TP53I13: variants seen among roughly 807,000 people sequenced by gnomAD.
TP53I13 encodes the protein tumor protein p53 inducible protein 13.
In TP53I13, 27 loss-of-function variants were observed where a neutral mutation model predicts 39.1. The observed-to-expected ratio is 0.69, with a 90% confidence interval of 0.51 to 0.95. The LOEUF is 0.95. Ranked by LOEUF, TP53I13 falls within the 40% of genes least tolerant of loss-of-function variation. The pLI, the probability that TP53I13 is intolerant of heterozygous loss-of-function variation, is 0.00. For synonymous variants in TP53I13, 230 were observed against 224.6 expected (o/e 1.02, Z -0.22); for missense variants, 544 against 520.4 (o/e 1.05, Z -0.44).
At position 29,572,748 on chromosome 17, in the gene TP53I13, C is replaced by A. The variant is rs1263013780; in HGVS notation, c.1069+51C>A. The A allele has an allele frequency of 4.8e-6, 7 of 1,450,142 alleles. No individual in the cohort carries two copies. The East Asian group carries it at 1.7e-4, about 36-fold the overall frequency. The allele number at this position is 1,450,142 out of a possible 1,614,324, so 89.8% of individuals were successfully genotyped here. A position where few individuals can be genotyped will look rare whatever the true frequency, so the allele number is the denominator to read the frequency against. On this transcript the variant is annotated intron_variant, in intron 6 of 6. Coordinates refer to ENST00000301057, the MANE Select transcript of TP53I13 (RefSeq NM_138349.4). The stretch of plus-strand genomic sequence containing the variant: ...CCGAGGCCCCCGCCCCACCTCGCGT[C>A]GCCCGCCGCCCCCCGTAGCTTCCCT...
chr17:29,574,954 G>T, downstream of TP53I13: 1 of 1,520,256 alleles, frequency 6.6e-7, no homozygotes. Context: ...TGGACTTTAA[G>T]CCACCAGCTG....
chr17:29,578,612 G>A, the TP53I13 span: 10 of 970,796 alleles, frequency 1.0e-5, no homozygotes, highest in East Asian at 1.4e-4. Context: ...GCCAGTGAGG[G>A]GACAGGTCAA....
chr17:29,581,225 G>A, the TP53I13 span: 1 of 783,886 alleles, frequency 1.3e-6, no homozygotes, highest in East Asian at 2.5e-5. This position sits in a 1 kb window ranked among gnomAD's most constrained non-coding sequence, Gnocchi z 4.8. Context: ...TCTAGTCTCT[G>A]GGGGGAGGGA....
intron 4 of TP53I13, 43 bp downstream of exon 4, chr17:29,571,762 G>T: frequency 6.2e-7 from 1 of 1,613,826 alleles, no homozygotes; most frequent in East Asian, 2.2e-5. Context: ...CTGGCAGAAG[G>T]CTATGGCCCC....
the TP53I13 span, chr17:29,581,007 G>A: frequency 1.5e-5 from 5 of 327,236 alleles, no homozygotes; most frequent in East Asian, 2.4e-4. The surrounding 1 kb of genome is among the most constrained non-coding windows in gnomAD (Gnocchi z 4.8). Flanking sequence ...TTGAACTCCC[G>A]ACCTCAGGTG....
At chr17:29,582,067 G>A in the TP53I13 span, 2 of 1,609,612 alleles carry the variant, frequency 1.2e-6, no homozygotes, top group South Asian at 1.1e-5. Flanking sequence ...CTGGGTGGAA[G>A]AAGTTGGCCT....
chr17:29,578,271 C>T, the TP53I13 span: 34 of 1,590,810 alleles, frequency 2.1e-5, no homozygotes, highest in Middle Eastern at 1.7e-4. Flanking sequence ...GGGTCCTCCA[C>T]GCCAGACACT....
At chr17:29,577,491 C>T (rs1223298444), downstream of TP53I13, among the ~76,000 whole-genome samples, 1 of 152,188 alleles carries the variant, frequency 6.6e-6, no homozygotes, top group African/African-American at 2.4e-5. Context: ...AAAACAACAG[C>T]CTCCTGACCT....
At chr17:29,567,017 G>C, upstream of TP53I13, 4 of 1,247,362 alleles carry the variant, frequency 3.2e-6, no homozygotes, top group South Asian at 3.2e-5. This position sits in a 1 kb window ranked among gnomAD's most constrained non-coding sequence, Gnocchi z 6.6. Flanking sequence ...CCGTCTACTC[G>C]GCGAGCTCCG....
At chr17:29,582,248 G>T in the TP53I13 span, 1 of 820,696 alleles carries the variant, frequency 1.2e-6, no homozygotes, top group Non-Finnish European at 2.0e-6. Context: ...CAGCTCCAAG[G>T]AGGCCTGCCC....
Position 29,572,303 on chromosome 17 carries a change from T to A in TP53I13, c.675T>A (p.Ala225=), listed in dbSNP as rs2032974780. 1.2e-6 allele frequency: 2 copies of A among 1,612,734 alleles called. No homozygotes were observed. ...PTRSALRFPS[A]SPGSLKAKQS... is the part of the protein sequence containing the mutation. ...GCTCAGCCCTGAGGTTTCCCTCTGC[T>A]TCCCCAGGGAGCTTGAAGGCCAAGC... The change falls in exon 6 of 7, where the codon GCT becomes GCA. Residue 225 remains alanine (A), a synonymous_variant. Coordinates refer to ENST00000301057, the MANE Select transcript of TP53I13 (RefSeq NM_138349.4).
At chr17:29,577,579 TGCCGGATGAGGAGGGACC>T (rs966158206), downstream of TP53I13, 5 of 1,052,258 alleles carry the variant, frequency 4.8e-6, no homozygotes, top group African/African-American at 7.7e-5. Context: ...CCCAGCCCAC[TGCCGGATGAGGAGGGACC>T]GCGGGGATGA....
the TP53I13 span, among the ~76,000 whole-genome samples, chr17:29,579,916 G>C: frequency 2.0e-5 from 3 of 152,108 alleles, no homozygotes; most frequent in African/African-American, 4.8e-5. Context: ...CTCCGCTCTC[G>C]GGATGGTCAC....
At chr17:29,566,500 A>G, upstream of TP53I13, 1 of 1,611,632 alleles carries the variant, frequency 6.2e-7, no homozygotes. Context: ...CACCGCAGGA[A>G]GGCCCCCGGC....
downstream of TP53I13, chr17:29,575,709 G>C (rs1186814168): frequency 6.2e-7 from 1 of 1,612,452 alleles, no homozygotes; most frequent in Non-Finnish European, 8.5e-7. This position sits in a 1 kb window ranked among gnomAD's most constrained non-coding sequence, Gnocchi z 5.5. Flanking sequence ...TTGCTCTGGA[G>C]GGCGGAGGGA....
At chr17:29,576,445 G>A, downstream of TP53I13, 1 of 1,612,786 alleles carries the variant, frequency 6.2e-7, no homozygotes, top group Non-Finnish European at 8.5e-7. Flanking sequence ...CCTGCAGCTT[G>A]TGGATCTATG....
the TP53I13 span, chr17:29,579,307 C>G: frequency 2.3e-6 from 1 of 428,010 alleles, no homozygotes; most frequent in Non-Finnish European, 4.2e-6. Context: ...GTTTCTTAAT[C>G]TCCCTCCTTC....
chr17:29,569,429 C>T (rs1390956889), intron 3 of TP53I13, 70 bp downstream of exon 3: 7 of 1,479,834 alleles, frequency 4.7e-6, no homozygotes, highest in Non-Finnish European at 5.6e-6. Context: ...GCAGGCTTCG[C>T]TGCCTGTTCT....
In TP53I13 at chr17:29,569,357, C is replaced by A; in HGVS notation, c.181C>A (p.Gln61Lys). 1 of 1,613,652 alleles carries A rather than the reference C, an allele frequency of 6.2e-7. No homozygotes were observed. Among genetic ancestry groups the A allele is most frequent in the Non-Finnish European group, 8.5e-7 (1 of 1,179,840 alleles). The change falls in exon 3 of 7, where the codon CAG becomes AAG. Residue 61 changes from glutamine to lysine, a missense_variant and splice_region_variant. Transcript: ENST00000301057. The part of the protein sequence containing the change: ...RVTYTRVSPG[Q>K]AEDVTFLYHP... Reference sequence around the variant, plus strand: ...GACCTACACACGAGTGAGCCCAGGGCAGGTGAGTACAAGCAGGGGCCCACC... The same window carrying A: ...GACCTACACACGAGTGAGCCCAGGGAAGGTGAGTACAAGCAGGGGCCCACC...
Sources: gnomAD v4.1 joint callset for allele counts (sites outside exome capture counted in the v4.1 genomes callset) on GRCh38, gnomAD v4.1.1 for gene constraint, Gnocchi (gnomAD v3.1) non-coding constraint, MANE v1.5 for transcripts, NCBI Gene and HGNC (gene_info 2026-07-23, HGNC 2026-07-21) for gene names.